Variants in BAG4 observed in about 807,000 individuals in gnomAD.
BAG4 encodes the protein BAG family molecular chaperone regulator 4.
BAG4 carries 28 observed loss-of-function variants against 52.1 expected under a neutral mutation model. The observed-to-expected ratio is 0.54, with a 90% confidence interval of 0.40 to 0.74. The LOEUF (loss-of-function observed/expected upper bound fraction) is 0.74. BAG4 is among the 30% of genes least tolerant of loss of function. The pLI is 0.00. For synonymous variants in BAG4, 208 were observed against 217.0 expected (o/e 0.96, Z 0.37); for missense variants, 525 against 572.0 (o/e 0.92, Z 0.84).
At chr8:38,191,891 C>T (rs1803481317) in intron 1 of BAG4, among the ~76,000 whole-genome samples, 1 of 151,360 alleles carries the variant, frequency 6.6e-6, no homozygotes, top group Admixed American at 6.6e-5. Context: ...AGTCTTTTAT[C>T]AAAGTTTATT....
intron 2 of BAG4, among the ~76,000 whole-genome samples, chr8:38,199,504 TA>T (rs1803621746): frequency 6.6e-6 from 1 of 151,696 alleles, no homozygotes; most frequent in African/African-American, 2.4e-5. Context: ...CCAAAGATCA[TA>T]AAGATTCACT....
intron 1 of BAG4, among the ~76,000 whole-genome samples, chr8:38,192,283 G>A (rs1439182618): frequency 1.3e-5 from 2 of 152,184 alleles, no homozygotes; most frequent in African/African-American, 2.4e-5. Context: ...TCATCTTGAT[G>A]TAGTAGAATT....
At chr8:38,201,573 G>C (rs1042930734) in intron 2 of BAG4, 3 of 151,954 alleles carry the variant, frequency 2.0e-5, no homozygotes, top group Admixed American at 6.6e-5. Context: ...AAAGTGTTGG[G>C]ATTACAGGCG....
At chr8:38,184,828 C>CG (rs1195115280) in intron 1 of BAG4, among the ~76,000 whole-genome samples, 4 of 152,160 alleles carry the variant, frequency 2.6e-5, no homozygotes, top group Non-Finnish European at 5.9e-5. Context: ...CAGTGGCTCA[C>CG]GCCTATAATC....
Position 38,210,557 on chromosome 8 carries a change from T to A in BAG4, c.*64T>A, listed in dbSNP as rs1803851059. ...ACCAAAGAACACTTGATTTGGTTAA[T>A]TACCCTCTTTTTGAAATGCCTGTTG... On this transcript the variant is annotated 3_prime_UTR_variant, in exon 5 of 5. Coordinates refer to ENST00000287322, the MANE Select transcript of BAG4 (RefSeq NM_004874.4). The A allele has an allele frequency of 2.0e-6, 3 of 1,495,238 alleles. No homozygotes were observed. The highest frequency in any genetic ancestry group is 2.8e-5 in the South Asian group (2 of 70,606). 92.6% of individuals were successfully genotyped at this position (1,495,238 alleles called of 1,614,324 possible).
rs1803753349 is a variant in BAG4 at position 38,205,317 on chromosome 8, TG to T, written c.379-2192del. Among the ~76,000 whole-genome samples, 6 of 142,160 alleles carry T rather than the reference TG, an allele frequency of 4.2e-5. No individual in the cohort carries two copies. In the South Asian group the frequency reaches 1.4e-3, roughly 33 times the overall value. 93.3% of individuals were successfully genotyped at this position (142,160 alleles called of 152,430 possible). A position where few individuals can be genotyped will look rare whatever the true frequency, so the allele number is the denominator to read the frequency against. On this transcript the variant is annotated intron_variant, in intron 2 of 4. Transcript: ENST00000287322. ...CTCCCACCTTGGCTTCCCAAAACGC[TG>T]GGATTTTTACAGGCATGAGTCTGTG...
chr8:38,207,557 C>T lies in BAG4; in HGVS notation c.424C>T (p.Pro142Ser), dbSNP rs377654190. Reference protein sequence around the residue: ...TNGAYGPTYPPGPGANTASYS... With the variant: ...TNGAYGPTYPSGPGANTASYS... ...TGGAGCGTATGGTCCAACATACCCC[C>T]CAGGCCCTGGGGCAAATACTGCCTC... Residue 142 changes from proline (P) to serine (S), a missense_variant, in exon 3 of 5, where the codon CCA (proline) becomes TCA (serine). By Grantham distance (74) the Pro-to-Ser change is moderately conservative (BLOSUM62 -1). Coordinates refer to ENST00000287322, the MANE Select transcript of BAG4 (RefSeq NM_004874.4). 2 of 1,614,006 alleles carry T rather than the reference C, an allele frequency of 1.2e-6. No individual in the cohort carries two copies. The highest frequency in any genetic ancestry group is 1.7e-6 in the Non-Finnish European group (2 of 1,179,966).
At chr8:38,184,590 C>G (rs550567723) in intron 1 of BAG4, among the ~76,000 whole-genome samples, 14 of 152,248 alleles carry the variant, frequency 9.2e-5, no homozygotes, top group Non-Finnish European at 1.5e-4. Flanking sequence ...ACGTTCGGGT[C>G]GGAGAGTGTT....
intron 2 of BAG4, chr8:38,201,619 T>C (rs1803662811): frequency 2.0e-5 from 3 of 151,864 alleles, no homozygotes; most frequent in African/African-American, 7.3e-5. Context: ...CTATCCAAGA[T>C]AGACTCCTAT....
In BAG4 at chr8:38,210,293, TATCTTGAACA is replaced by T; in HGVS notation, c.1176_1185del (p.Tyr392Ter). 6.2e-7 allele frequency: 1 copy of T among 1,614,142 alleles called. No individual in the cohort carries two copies. On this transcript the variant is annotated frameshift_variant, in exon 5 of 5. Transcript: ENST00000287322. LOFTEE classifies it high-confidence loss of function. ...CATACATGTGCTGGAGAAGGTCCAGTATCTTGAACAAGAAGTAGAAGAATTTGTAGGAAAA... is the reference window on the plus strand; with the variant it reads ...CATACATGTGCTGGAGAAGGTCCAGTAGAAGTAGAAGAATTTGTAGGAAAA...
intron 1 of BAG4, among the ~76,000 whole-genome samples, chr8:38,190,756 T>A (rs1803460159): frequency 7.0e-6 from 1 of 142,916 alleles, no homozygotes; most frequent in African/African-American, 2.6e-5. Flanking sequence ...GTTGGTGGGT[T>A]GTCTTTTTTT....
intron 1 of BAG4, among the ~76,000 whole-genome samples, chr8:38,183,944 T>TAAA (rs1275877602): frequency 6.6e-6 from 1 of 152,216 alleles, no homozygotes; most frequent in Non-Finnish European, 1.5e-5. Context: ...TGTATTTTTC[T>TAAA]CCCAAGTGGA....
chr8:38,200,560 C>T (rs1188429026), intron 2 of BAG4, among the ~76,000 whole-genome samples: 1 of 151,860 alleles, frequency 6.6e-6, no homozygotes, highest in African/African-American at 2.4e-5. Flanking sequence ...TTAGGATCAG[C>T]TTTTCAACTT....
In BAG4 at chr8:38,210,753, T is replaced by G. The variant is rs1033044511; in HGVS notation, c.*260T>G. 3.2e-6 allele frequency: 1 copy of G among 315,316 alleles called. No homozygotes were observed. The allele number at this position is 315,316 out of a possible 1,614,324, so 19.5% of individuals were successfully genotyped here. On this transcript the variant is annotated 3_prime_UTR_variant, in exon 5 of 5. Coordinates refer to ENST00000287322, the MANE Select transcript of BAG4 (RefSeq NM_004874.4). ...CAAGTAGACTCACTCCTTAAAAAAT[T>G]TATGGATATCTACAAGCTGCTTCTT...
rs550630990 is a variant in BAG4, at chr8:38,191,371, A to G, written c.271-1317A>G. On this transcript the variant is annotated intron_variant, in intron 1 of 4. Transcript: ENST00000287322. ...AAGTAGTGCAGTTAAGCTAATAGTG[A>G]TAATCTCTCAGTTATTTCAGCTGCC... is the stretch of plus-strand genomic sequence containing the variant. Among the ~76,000 whole-genome samples, 16 of 152,348 alleles carry G rather than the reference A, an allele frequency of 1.1e-4. No homozygotes were observed. In the South Asian group the frequency reaches 3.1e-3, roughly 30 times the overall value.
In BAG4 at chr8:38,210,050, C is replaced by G. The variant is rs534078625; in HGVS notation, c.931C>G (p.Arg311Gly). Residue 311 changes from arginine (R) to glycine (G), a missense_variant, in exon 5 of 5, where the codon CGG (arginine) becomes GGG (glycine). Physicochemically the swap from Arg to Gly is moderately radical, Grantham distance 125 (BLOSUM62 -2). Around this residue, in one of 2 missense-constraint regions of BAG4, gnomAD observed 238 missense variants for 305.8 expected, o/e 0.78. Transcript: ENST00000287322. ...PYSQSDQSMN[R>G]HNFPCSVHQY... ...TAGCCAATCAGATCAAAGCATGAAC[C>G]GGCACAACTTTCCTTGCAGTGTCCA... The G allele has an allele frequency of 1.9e-6, 3 of 1,614,002 alleles. No individual in the cohort carries two copies. In the Admixed American group the frequency reaches 5.0e-5, roughly 27 times the overall value.
At chr8:38,190,448 G>A (rs1803455685) in intron 1 of BAG4, among the ~76,000 whole-genome samples, 1 of 152,038 alleles carries the variant, frequency 6.6e-6, no homozygotes, top group South Asian at 2.1e-4. Flanking sequence ...TAAAGATGGG[G>A]TCTTACTCTG....
At chr8:38,181,647 G>A (rs1373296733) in intron 1 of BAG4, among the ~76,000 whole-genome samples, 1 of 151,790 alleles carries the variant, frequency 6.6e-6, no homozygotes, top group African/African-American at 2.4e-5. Context: ...TGAGGCAGGA[G>A]AACCACTTGA....
intron 2 of BAG4, chr8:38,201,862 ATATATATATATATATATATTTT>A (rs1803673954): frequency 4.8e-4 from 3 of 6,256 alleles, no homozygotes; most frequent in Admixed American, 2.1e-3. Flanking sequence ...ATATATATAT[ATATATATATATATATATATTTT>A]TTTTTTTTTT....
Sources: allele counts gnomAD v4.1 joint callset (sites outside exome capture counted in the v4.1 genomes callset), GRCh38; gene constraint gnomAD v4.1.1; regional missense constraint gnomAD v4.1.1; transcripts MANE v1.5; gene names NCBI Gene and HGNC (gene_info 2026-07-23, HGNC 2026-07-21).